Variants in ERBB4 observed in about 807,000 individuals in gnomAD.
The protein encoded by ERBB4 is erb-b2 receptor tyrosine kinase 4.
In ERBB4, 42 loss-of-function variants were observed where a neutral mutation model predicts 158.0. That is an observed-to-expected ratio of 0.27 (90% CI 0.21 to 0.34). The LOEUF is 0.34. ERBB4 is among the 10% of genes least tolerant of loss of function. ERBB4 has a pLI of 1.00. For missense variants in ERBB4, 1,333 were observed against 1,624.1 expected, an observed-to-expected ratio of 0.82 and a Z score of 3.08; for synonymous variants, 583 against 558.7, an observed-to-expected ratio of 1.04 and a Z score of -0.61.
At chr2:211,421,912 T>G (rs543756743) in intron 24 of ERBB4, 95 bp downstream of exon 24, 2 of 787,062 alleles carry the variant, frequency 2.5e-6, no homozygotes, top group South Asian at 2.8e-5. Flanking sequence ...AACATGTTTG[T>G]GGTCCTTTCC....
At chr2:212,216,320 A>C (rs193283712) in intron 1 of ERBB4, among the ~76,000 whole-genome samples, 1 of 151,536 alleles carries the variant, frequency 6.6e-6, no homozygotes, top group African/African-American at 2.4e-5. Flanking sequence ...AAAATGCAAT[A>C]TGTATCAAAT....
chr2:211,574,279 C>T (rs2067826735), intron 19 of ERBB4, among the ~76,000 whole-genome samples: 1 of 152,062 alleles, frequency 6.6e-6, no homozygotes, highest in Non-Finnish European at 1.5e-5. Flanking sequence ...CTAGTTAACC[C>T]CAGGGAGAGC....
chr2:211,947,671 A>G (rs1559163549), intron 2 of ERBB4, 55 bp from the exon 3 acceptor site: 1 of 1,456,268 alleles, frequency 6.9e-7, no homozygotes, highest in Non-Finnish European at 9.6e-7. Context: ...CACTCTGTAT[A>G]TGTAGCAATT....
At chr2:212,373,093 A>C (rs1358033499) in intron 1 of ERBB4, among the ~76,000 whole-genome samples, 1 of 152,238 alleles carries the variant, frequency 6.6e-6, no homozygotes, top group Non-Finnish European at 1.5e-5. Context: ...GGTTAATGAC[A>C]ACACTAAATA....
At chr2:212,459,275 C>A (rs1173653858) in intron 1 of ERBB4, among the ~76,000 whole-genome samples, 1 of 151,816 alleles carries the variant, frequency 6.6e-6, no homozygotes, top group Non-Finnish European at 1.5e-5. Flanking sequence ...TCCCCATACA[C>A]AACTGTCAAT....
intron 20 of ERBB4, among the ~76,000 whole-genome samples, chr2:211,513,982 T>A (rs952553448): frequency 5.9e-5 from 9 of 152,140 alleles, no homozygotes; most frequent in Non-Finnish European, 1.2e-4. Flanking sequence ...GTTGGGAACC[T>A]TCTAAAGCTT....
At chr2:212,321,745 T>C (rs904437443) in intron 1 of ERBB4, among the ~76,000 whole-genome samples, 1 of 150,284 alleles carries the variant, frequency 6.7e-6, no homozygotes, top group African/African-American at 2.4e-5. Flanking sequence ...TCTTTGCTAA[T>C]AGCTAGACTT....
intron 1 of ERBB4, among the ~76,000 whole-genome samples, chr2:212,402,837 T>A (rs1340570405): frequency 6.6e-6 from 1 of 152,102 alleles, no homozygotes; most frequent in African/African-American, 2.4e-5. Context: ...ATAAATATCA[T>A]ACCAAAAATA....
At chr2:212,214,965 T>G (rs2083054059) in intron 1 of ERBB4, among the ~76,000 whole-genome samples, 1 of 151,550 alleles carries the variant, frequency 6.6e-6, no homozygotes, top group Admixed American at 6.6e-5. Context: ...GAACATAAAT[T>G]TAATTACATG....
At chr2:211,572,083 CA>C (rs1206592305) in intron 19 of ERBB4, among the ~76,000 whole-genome samples, 1 of 152,060 alleles carries the variant, frequency 6.6e-6, no homozygotes, top group African/African-American at 2.4e-5. Flanking sequence ...CAGTGTAGCT[CA>C]AATCTACATC....
intron 1 of ERBB4, among the ~76,000 whole-genome samples, chr2:212,410,292 CAT>C (rs1252517958): frequency 6.6e-6 from 1 of 151,808 alleles, no homozygotes; most frequent in Non-Finnish European, 1.5e-5. Context: ...CAATAGTAAA[CAT>C]ATTCTAGTGC....
intron 3 of ERBB4, among the ~76,000 whole-genome samples, chr2:211,846,040 C>A (rs1196233151): frequency 7.4e-6 from 1 of 135,072 alleles, no homozygotes; most frequent in African/African-American, 2.8e-5. Context: ...AACTACAATA[C>A]TGTTAATTGT....
At chr2:212,028,654 T>C (rs1457261258) in intron 2 of ERBB4, among the ~76,000 whole-genome samples, 2 of 152,024 alleles carry the variant, frequency 1.3e-5, no homozygotes, top group Admixed American at 6.6e-5. Flanking sequence ...AACTGTGAAA[T>C]AGTTTCCCTT....
At chr2:211,500,112 G>A (rs1303521252) in intron 20 of ERBB4, among the ~76,000 whole-genome samples, 1 of 152,034 alleles carries the variant, frequency 6.6e-6, no homozygotes, top group Non-Finnish European at 1.5e-5. Context: ...AAAATATTTA[G>A]GATTTATTTT....
intron 1 of ERBB4, among the ~76,000 whole-genome samples, chr2:212,446,576 CCCATATATATATATGTATATATATATAT>C (rs2092351540): frequency 2.3e-5 from 1 of 43,538 alleles, no homozygotes; most frequent in African/African-American, 6.7e-5. Context: ...TTAATAAACT[CCCATATATATATATGTATATATATATAT>C]ATATATATAT....
chr2:211,931,998 T>G (rs2080190258), intron 3 of ERBB4, among the ~76,000 whole-genome samples: 3 of 152,100 alleles, frequency 2.0e-5, no homozygotes, highest in African/African-American at 7.2e-5. Flanking sequence ...CATAAGTGAT[T>G]GTGACTGTCC....
At chr2:211,913,671 G>GTGTA (rs2079604022) in intron 3 of ERBB4, among the ~76,000 whole-genome samples, 2 of 150,462 alleles carry the variant, frequency 1.3e-5, no homozygotes, top group East Asian at 2.0e-4. Flanking sequence ...GTGTGTATGT[G>GTGTA]TGTGTGTATG....
chr2:212,416,363 A>G (rs1411895728), intron 1 of ERBB4, among the ~76,000 whole-genome samples: 3 of 152,146 alleles, frequency 2.0e-5, no homozygotes, highest in Admixed American at 6.6e-5. Flanking sequence ...ACATCCTTTC[A>G]TTCCTCTGCT....
In ERBB4 at chr2:211,515,914, T is replaced by TATA. The variant is rs1559248895; in HGVS notation, c.2487+45988_2487+45989insTAT. Among the ~76,000 whole-genome samples the TATA allele has an allele frequency of 5.1e-3, 260 of 50,638 alleles. 1 individual carries two copies. Among genetic ancestry groups the TATA allele is most frequent in the African/African-American group, 0.029 (244 of 8,410 alleles). The allele number at this position is 50,638 out of a possible 152,430, so 33.2% of individuals were successfully genotyped here. ...ACATATATTATATATATATATATAT[T>TATA]TTTTTTTTTTTTTTTTTTGAGGCGG... On this transcript the variant is annotated intron_variant, in intron 20 of 27. Coordinates refer to ENST00000342788, the MANE Select transcript of ERBB4 (RefSeq NM_005235.3).
Sources: allele counts gnomAD v4.1 joint callset (sites outside exome capture counted in the v4.1 genomes callset), GRCh38; gene constraint gnomAD v4.1.1; transcripts MANE v1.5; gene names NCBI Gene and HGNC (gene_info 2026-07-23, HGNC 2026-07-21).